The following LRRIQ1 variants were observed in gnomAD, a reference collection of about 807,000 sequenced individuals.
The protein encoded by LRRIQ1 is leucine rich repeats and IQ motif containing 1.
Under a neutral mutation model 211.9 loss-of-function variants are expected in LRRIQ1, and 210 were observed. The ratio of observed to expected loss-of-function variants is 0.99; its 90% CI spans 0.89 to 1.11. The LOEUF (loss-of-function observed/expected upper bound fraction) is 1.11, where lower values mean the gene tolerates loss of function less well. Among genes scored for constraint, LRRIQ1 ranks in the 50% most tolerant of loss-of-function variants. The pLI, the probability that LRRIQ1 is intolerant of heterozygous loss-of-function variation, is 0.00. For synonymous variants in LRRIQ1, 699 were observed against 650.1 expected, an observed-to-expected ratio of 1.08 and a Z score of -1.14; for missense variants, 2,136 against 1,939.5, an observed-to-expected ratio of 1.10 and a Z score of -1.90.
At chr12:85,099,385 A>G (rs976415901) in intron 13 of LRRIQ1, among the ~76,000 whole-genome samples, 3 of 151,828 alleles carry the variant, frequency 2.0e-5, no homozygotes, top group African/African-American at 7.2e-5. Flanking sequence ...TGGAAGGACA[A>G]TTTTTACTCT....
chr12:85,121,474 A>T (rs1887980414), intron 15 of LRRIQ1, among the ~76,000 whole-genome samples: 1 of 152,188 alleles, frequency 6.6e-6, no homozygotes, highest in Non-Finnish European at 1.5e-5. Flanking sequence ...AAGGTTAAAG[A>T]ACTAACTCTA....
At position 85,152,286 on chromosome 12, in the gene LRRIQ1, T is replaced by G. The variant is rs763737433; in HGVS notation, c.4336T>G (p.Leu1446Val). The G allele has an allele frequency of 3.2e-5, 52 of 1,608,072 alleles. No individual in the cohort carries two copies. The South Asian group carries it at 5.3e-4, about 16-fold the overall frequency. ...TTTAATATTATTTGTGCAGGCTGCC[T>G]TAGAAGAAGAATGGCTAGCATTAGA... ...LEDFIFDEAA[L>V]EEEWLALDST... The change falls in exon 20 of 27, where the codon TTA becomes GTA. Residue 1446 changes from leucine (L) to valine (V), a missense_variant. Coordinates refer to ENST00000393217, the MANE Select transcript of LRRIQ1 (RefSeq NM_001079910.2).
chr12:85,056,903 C>G lies in LRRIQ1; in HGVS notation c.2110C>G (p.Leu704Val). 1.2e-6 allele frequency: 2 copies of G among 1,613,216 alleles called. No homozygotes were observed. The highest frequency in any genetic ancestry group is 2.2e-5 in the South Asian group (2 of 90,980). ...CATGGTATCTAAAGAAGTCAACTCT[C>G]TTAAATCTGAGATTAGAAATATTTC... Reference protein sequence around the residue: ...SSMVSKEVNSLKSEIRNISEK... With the variant: ...SSMVSKEVNSVKSEIRNISEK... Residue 704 changes from leucine (L) to valine (V), a missense_variant, in exon 8 of 27, where the codon CTT (leucine) becomes GTT (valine). Leu to Val is a conservative substitution (Grantham distance 32, BLOSUM62 1). Transcript: ENST00000393217.
chr12:85,195,302 A>T (rs1012121294), intron 24 of LRRIQ1, among the ~76,000 whole-genome samples: 6 of 152,006 alleles, frequency 3.9e-5, no homozygotes, highest in Non-Finnish European at 7.4e-5. Context: ...AAAAAGAGGG[A>T]ATCCTCCCTA....
Position 85,056,223 on chromosome 12 carries a change from A to T in LRRIQ1, c.1430A>T (p.Asp477Val). The part of the protein sequence containing the change: ...ESISSQTILA[D>V]FKMEEKNENL... Reference sequence around the variant, plus strand: ...ATATCAAGCCAAACAATTCTGGCAGATTTTAAAATGGAAGAAAAAAATGAA... The same window carrying T: ...ATATCAAGCCAAACAATTCTGGCAGTTTTTAAAATGGAAGAAAAAAATGAA... The change falls in exon 8 of 27, where the codon GAT (aspartate) becomes GTT (valine). Residue 477 changes from aspartate (D) to valine (V), a missense_variant. By Grantham distance (152) the Asp-to-Val change is radical. Coordinates refer to ENST00000393217, the MANE Select transcript of LRRIQ1 (RefSeq NM_001079910.2). The T allele has an allele frequency of 1.3e-6, 2 of 1,571,178 alleles. No homozygotes were observed. The highest frequency in any genetic ancestry group is 2.4e-5 in the South Asian group (2 of 82,352).
At chr12:85,250,081 G>T (rs1373488723), downstream of LRRIQ1, among the ~76,000 whole-genome samples, 1 of 151,618 alleles carries the variant, frequency 6.6e-6, no homozygotes, top group African/African-American at 2.4e-5. Flanking sequence ...CAATTCCCTG[G>T]CATATTGTCT....
intron 24 of LRRIQ1, among the ~76,000 whole-genome samples, chr12:85,176,099 T>C (rs1179477958): frequency 6.6e-6 from 1 of 152,098 alleles, no homozygotes; most frequent in African/African-American, 2.4e-5. Context: ...CCTTGGGCAG[T>C]ATGGCCATTT....
At chr12:85,235,893 A>T (rs1895151707) in intron 26 of LRRIQ1, among the ~76,000 whole-genome samples, 2 of 152,328 alleles carry the variant, frequency 1.3e-5, no homozygotes, top group South Asian at 4.1e-4. Flanking sequence ...ACTTTGAAAA[A>T]GAATAGTAAG....
At chr12:85,194,672 A>G (rs866519417) in intron 24 of LRRIQ1, among the ~76,000 whole-genome samples, 6 of 152,178 alleles carry the variant, frequency 3.9e-5, no homozygotes, top group Admixed American at 6.6e-5. Flanking sequence ...GATTCAAAGC[A>G]GTGTGTAGAG....
intron 11 of LRRIQ1, among the ~76,000 whole-genome samples, chr12:85,073,516 G>T (rs1235647758): frequency 6.6e-6 from 1 of 151,990 alleles, no homozygotes; most frequent in African/African-American, 2.4e-5. Context: ...AAGGCTGTTT[G>T]TAAAAAAAGA....
At chr12:85,179,345 T>C (rs1891870582) in intron 24 of LRRIQ1, among the ~76,000 whole-genome samples, 1 of 151,986 alleles carries the variant, frequency 6.6e-6, no homozygotes, top group African/African-American at 2.4e-5. Context: ...GCAGTGCTTT[T>C]CAACAGCAGT....
At chr12:85,149,936 A>G (rs1365110006) in intron 19 of LRRIQ1, among the ~76,000 whole-genome samples, 2 of 151,766 alleles carry the variant, frequency 1.3e-5, no homozygotes, top group South Asian at 2.1e-4. Context: ...GAAAATGTCA[A>G]TTTTATCCAG....
chr12:85,190,897 G>C (rs544119933), intron 24 of LRRIQ1, among the ~76,000 whole-genome samples: 1 of 151,936 alleles, frequency 6.6e-6, no homozygotes, highest in Admixed American at 6.6e-5. Flanking sequence ...CTCATGTATT[G>C]TCTCTGTGAT....
chr12:85,261,964 G>A (rs1328652056), intron 1 of LRRIQ1, among the ~76,000 whole-genome samples: 2 of 151,500 alleles, frequency 1.3e-5, no homozygotes, highest in African/African-American at 4.8e-5. Flanking sequence ...CTAATTTTGT[G>A]TTTTTGATAG....
intron 1 of LRRIQ1, among the ~76,000 whole-genome samples, chr12:85,037,378 T>TAA (rs373063056): frequency 8.7e-5 from 13 of 149,544 alleles, no homozygotes; most frequent in African/African-American, 3.2e-4. Context: ...TTTGTAGGCA[T>TAA]AAAAAAAAAA....
chr12:85,182,440 C>T (rs1333040009), intron 24 of LRRIQ1, among the ~76,000 whole-genome samples: 5 of 152,030 alleles, frequency 3.3e-5, no homozygotes, highest in Non-Finnish European at 7.4e-5. Context: ...AGTTGAAAGC[C>T]CTACAAACTG....
intron 3 of LRRIQ1, among the ~76,000 whole-genome samples, chr12:85,043,739 A>G (rs996691197): frequency 6.6e-6 from 1 of 152,082 alleles, no homozygotes; most frequent in African/African-American, 2.4e-5. Context: ...TCCAAGGTGT[A>G]GAACAAACCC....
intron 24 of LRRIQ1, among the ~76,000 whole-genome samples, chr12:85,194,859 C>G (rs1425955420): frequency 6.6e-6 from 1 of 151,996 alleles, no homozygotes. Context: ...ACAAAAAACC[C>G]TTCAAAAAAT....
intron 19 of LRRIQ1, among the ~76,000 whole-genome samples, chr12:85,151,788 T>G (rs913541710): frequency 6.6e-6 from 1 of 151,646 alleles, no homozygotes; most frequent in Non-Finnish European, 1.5e-5. Context: ...ATTGTTTAAT[T>G]CATTGCCACA....
Sources: gnomAD v4.1 joint callset for allele counts (sites outside exome capture counted in the v4.1 genomes callset) on GRCh38, gnomAD v4.1.1 for gene constraint, MANE v1.5 for transcripts, NCBI Gene and HGNC (gene_info 2026-07-23, HGNC 2026-07-21) for gene names.